Variants in EIPR1 observed in about 807,000 individuals in gnomAD.
EIPR1 encodes the protein EARP complex and GARP complex interacting protein 1, also known as EARP and GARP complex-interacting protein 1.
A neutral mutation model predicts 48.1 loss-of-function variants in EIPR1; 25 were observed. That is an observed-to-expected ratio of 0.52 (90% CI 0.38 to 0.73). EIPR1 has a LOEUF of 0.73. Among genes scored for constraint, EIPR1 ranks in the 30% least tolerant of loss-of-function variants. The pLI is 0.00. For missense variants in EIPR1, 415 were observed against 506.2 expected, an observed-to-expected ratio of 0.82 and a Z score of 1.73; for synonymous variants, 204 against 201.9, an observed-to-expected ratio of 1.01 and a Z score of -0.09.
chr2:3,225,592 C>T (rs1179779897), intron 4 of EIPR1, among the ~76,000 whole-genome samples: 2 of 152,180 alleles, frequency 1.3e-5, no homozygotes, highest in African/African-American at 4.8e-5. Flanking sequence ...ATGACTGCCA[C>T]AATTAACTAA....
intron 4 of EIPR1, among the ~76,000 whole-genome samples, chr2:3,246,383 G>A (rs78726787): frequency 0.26 from 40,191 of 152,018 alleles, 6,645 homozygotes; most frequent in Non-Finnish European, 0.38. Context: ...AATGCCCCCT[G>A]TGCCTGGCGG....
rs371640827 is a variant in EIPR1 at position 3,316,956 on chromosome 2, G to A, written c.259+21061C>T. ...CAGAAATAGTGCATGTGTGAGCTGA[G>A]GATTCTGTGCCTTGCACATGGGGTG... On this transcript the variant is annotated intron_variant, in intron 3 of 8. Transcript: ENST00000382125. Among the ~76,000 whole-genome samples the A allele has an allele frequency of 3.7e-3, 569 of 152,388 alleles. 3 individuals carry two copies. The highest frequency in any genetic ancestry group is 0.013 in the African/African-American group (548 of 41,596).
intron 1 of EIPR1, among the ~76,000 whole-genome samples, chr2:3,367,301 A>G (rs1251323145): frequency 1.3e-5 from 2 of 152,224 alleles, no homozygotes; most frequent in Non-Finnish European, 2.9e-5. Context: ...ATATTTGTTC[A>G]CTGAATGAAT....
At chr2:3,278,974 C>T (rs1221332655) in intron 3 of EIPR1, among the ~76,000 whole-genome samples, 1 of 152,158 alleles carries the variant, frequency 6.6e-6, no homozygotes, top group African/African-American at 2.4e-5. Flanking sequence ...CTGAGTACAT[C>T]GAACCATTTT....
chr2:3,333,740 C>A (rs1468016754), intron 3 of EIPR1, among the ~76,000 whole-genome samples: 1 of 146,998 alleles, frequency 6.8e-6, no homozygotes, highest in African/African-American at 2.5e-5. Context: ...AAGAGCAAGA[C>A]CCTACCTCCA....
rs147437251 is a variant in EIPR1, at chr2:3,286,197, C to T, written c.260-28742G>A. ...TGCCTGATTCCCCACCCTCAGAACC[C>T]ATGAGCAGCACAAAAGGTTGTTTTT... On this transcript the variant is annotated intron_variant, in intron 3 of 8. Transcript: ENST00000382125. The surrounding 1 kb of genome is among the most constrained non-coding windows in gnomAD (Gnocchi z 4.2). Among the ~76,000 whole-genome samples, 321 of 152,332 alleles carry T rather than the reference C, an allele frequency of 2.1e-3. No homozygotes were observed. Among genetic ancestry groups the T allele is most frequent in the Non-Finnish European group, 3.6e-3 (244 of 68,032 alleles).
At chr2:3,288,767 C>T (rs1461636776) in intron 3 of EIPR1, among the ~76,000 whole-genome samples, 4 of 152,202 alleles carry the variant, frequency 2.6e-5, no homozygotes, top group African/African-American at 7.2e-5. Context: ...TGGCGCATGG[C>T]CTGGGACAGA....
At chr2:3,193,931 T>TGGTAAAGTAA in intron 7 of EIPR1, 68 bp downstream of exon 7, 1 of 1,558,804 alleles carries the variant, frequency 6.4e-7, no homozygotes, top group South Asian at 1.2e-5. Context: ...TCTTTCCCAA[T>TGGTAAAGTAA]GGTAAAGTAA....
Position 3,189,231 on chromosome 2 carries a change from G to A in EIPR1, c.*103C>T, listed in dbSNP as rs914524996. On this transcript the variant is annotated 3_prime_UTR_variant, in exon 9 of 9. Coordinates refer to ENST00000382125, the MANE Select transcript of EIPR1 (RefSeq NM_003310.5). This position sits in a 1 kb window ranked among gnomAD's most constrained non-coding sequence, Gnocchi z 4.6. ...AGGGAACAGCGGCTCTCCCAGAGAGGGATCCACCTGGAACACGAGTCACCT... is the reference window on the plus strand; with the variant it reads ...AGGGAACAGCGGCTCTCCCAGAGAGAGATCCACCTGGAACACGAGTCACCT... 20 of 1,238,078 alleles carry A rather than the reference G, an allele frequency of 1.6e-5. No individual in the cohort carries two copies. Among genetic ancestry groups the A allele is most frequent in the Non-Finnish European group, 1.4e-5 (13 of 923,924 alleles). 76.7% of individuals were successfully genotyped at this position (1,238,078 alleles called of 1,614,324 possible). A position where few individuals can be genotyped will look rare whatever the true frequency, so the allele number is the denominator to read the frequency against.
chr2:3,320,423 A>G (rs967435521), intron 3 of EIPR1: 1 of 154,938 alleles, frequency 6.5e-6, no homozygotes, highest in Non-Finnish European at 1.4e-5. Context: ...CAGGTCCTGC[A>G]TACAAAGTCC....
intron 3 of EIPR1, among the ~76,000 whole-genome samples, chr2:3,317,148 G>T (rs970028286): frequency 6.9e-6 from 1 of 145,350 alleles, no homozygotes. Context: ...CCCCAGGAGC[G>T]CATGAGGCAC....
chr2:3,199,974 T>C (rs11676632), intron 5 of EIPR1, among the ~76,000 whole-genome samples: 128,793 of 142,584 alleles, frequency 0.9, 57,973 homozygotes, highest in East Asian at 0.96. Context: ...CACATCTAGG[T>C]AGAGGTGACG....
At chr2:3,314,443 T>C (rs1669223247) in intron 3 of EIPR1, among the ~76,000 whole-genome samples, 1 of 152,212 alleles carries the variant, frequency 6.6e-6, no homozygotes, top group Non-Finnish European at 1.5e-5. Context: ...TTTAAGGCTA[T>C]ACTCTCTTTT....
intron 3 of EIPR1, among the ~76,000 whole-genome samples, chr2:3,330,126 G>A (rs1190827736): frequency 1.3e-5 from 2 of 152,242 alleles, no homozygotes; most frequent in East Asian, 1.9e-4. Context: ...GTTTAGGAGT[G>A]AGGAACTAAA....
intron 5 of EIPR1, among the ~76,000 whole-genome samples, chr2:3,209,869 A>G (rs1437943509): frequency 6.6e-6 from 1 of 152,202 alleles, no homozygotes; most frequent in East Asian, 1.9e-4. Context: ...GCTTGGAGAG[A>G]GAGCATGAGG....
chr2:3,296,331 A>C (rs1572409822), intron 3 of EIPR1, among the ~76,000 whole-genome samples: 1 of 63,544 alleles, frequency 1.6e-5, no homozygotes, highest in African/African-American at 6.6e-5. Context: ...CACACCCTCC[A>C]TCCAGCCCGT....
chr2:3,265,904 C>A (rs1229868043), intron 3 of EIPR1, among the ~76,000 whole-genome samples: 1 of 152,248 alleles, frequency 6.6e-6, no homozygotes, highest in Non-Finnish European at 1.5e-5. Flanking sequence ...TCCTGACTCC[C>A]ATAACAGCCC....
At chr2:3,232,610 T>C (rs1440429232) in intron 4 of EIPR1, among the ~76,000 whole-genome samples, 1 of 152,188 alleles carries the variant, frequency 6.6e-6, no homozygotes, top group Non-Finnish European at 1.5e-5. Flanking sequence ...GCATCATCCG[T>C]CTTTTGCCTG....
intron 4 of EIPR1, among the ~76,000 whole-genome samples, chr2:3,253,699 G>T (rs575958677): frequency 3.9e-5 from 6 of 152,324 alleles, no homozygotes; most frequent in African/African-American, 9.6e-5. Context: ...GGGTCATAAG[G>T]CTCTATAAGT....
Sources: allele counts gnomAD v4.1 joint callset (sites outside exome capture counted in the v4.1 genomes callset), GRCh38; gene constraint gnomAD v4.1.1; non-coding constraint Gnocchi (gnomAD v3.1); transcripts MANE v1.5; gene names NCBI Gene and HGNC (gene_info 2026-07-23, HGNC 2026-07-21).